The following UNC13C variants were observed in gnomAD, a reference collection of about 807,000 sequenced individuals.
UNC13C encodes the protein protein unc-13 homolog C.
In UNC13C, 174 loss-of-function variants were observed where a neutral mutation model predicts 245.4. The ratio of observed to expected loss-of-function variants is 0.71; its 90% CI spans 0.63 to 0.80. The LOEUF is 0.80. Among genes scored for constraint, UNC13C ranks in the 30% least tolerant of loss-of-function variants. The pLI is 0.00. For missense variants in UNC13C, 2,829 were observed against 2,602.9 expected (o/e 1.09, Z -1.89); for synonymous variants, 992 against 895.1 (o/e 1.11, Z -1.93).
intron 24 of UNC13C, among the ~76,000 whole-genome samples, chr15:54,516,071 G>A (rs1334526405): frequency 6.6e-6 from 1 of 152,102 alleles, no homozygotes; most frequent in African/African-American, 2.4e-5. Context: ...AATTTGATGT[G>A]TCAACTAGAA....
At chr15:54,536,149 A>G (rs1176030988) in intron 26 of UNC13C, among the ~76,000 whole-genome samples, 1 of 152,086 alleles carries the variant, frequency 6.6e-6, no homozygotes. Flanking sequence ...CAAAGTGAGC[A>G]TTACCACCGA....
In UNC13C at chr15:54,627,172, A is replaced by G; in HGVS notation, c.*59A>G. 2 of 1,481,722 alleles carry G rather than the reference A, an allele frequency of 1.3e-6. No individual in the cohort carries two copies. The highest frequency in any genetic ancestry group is 1.8e-6 in the Non-Finnish European group (2 of 1,097,370). The allele number at this position is 1,481,722 out of a possible 1,614,324, so 91.8% of individuals were successfully genotyped here. Reference sequence around the variant, plus strand: ...TTGTTTGACTACTGCATGCATGTGCAAATACATGGGAATGTTTAGTTCACT... The same window carrying G: ...TTGTTTGACTACTGCATGCATGTGCGAATACATGGGAATGTTTAGTTCACT... On this transcript the variant is annotated 3_prime_UTR_variant, in exon 33 of 33. Coordinates refer to ENST00000260323, the MANE Select transcript of UNC13C (RefSeq NM_001080534.3).
the UNC13C span, among the ~76,000 whole-genome samples, chr15:53,947,242 G>A: frequency 1.3e-5 from 2 of 152,148 alleles, no homozygotes; most frequent in Non-Finnish European, 2.9e-5. Flanking sequence ...AAAAGCAGGT[G>A]GATAGATGAT....
intron 10 of UNC13C, among the ~76,000 whole-genome samples, chr15:54,285,581 G>A (rs1041904322): frequency 5.3e-5 from 8 of 152,168 alleles, no homozygotes; most frequent in South Asian, 2.1e-4. Context: ...AAAGGCTGCC[G>A]TGGCTGCTTT....
intron 26 of UNC13C, among the ~76,000 whole-genome samples, chr15:54,546,061 A>C (rs989375699): frequency 1.3e-5 from 2 of 152,190 alleles, no homozygotes; most frequent in African/African-American, 2.4e-5. Context: ...CAAAACTTGG[A>C]ACCAACCCAA....
chr15:54,526,320 A>G (rs1457677093), intron 25 of UNC13C, among the ~76,000 whole-genome samples: 1 of 152,248 alleles, frequency 6.6e-6, no homozygotes, highest in African/African-American at 2.4e-5. Flanking sequence ...TAAAATAGCT[A>G]GGAAAGAAAA....
chr15:54,607,825 G>C (rs1899852281), intron 30 of UNC13C, among the ~76,000 whole-genome samples: 1 of 152,042 alleles, frequency 6.6e-6, no homozygotes, highest in Admixed American at 6.6e-5. Flanking sequence ...AAGGCAAGGG[G>C]GAAATTTGCT....
chr15:54,076,109 A>T (rs536648915), intron 2 of UNC13C, among the ~76,000 whole-genome samples: 19 of 90,700 alleles, frequency 2.1e-4, no homozygotes, highest in South Asian at 3.4e-4. Flanking sequence ...ATATATATAT[A>T]TATTTTTTTT....
intron 2 of UNC13C, among the ~76,000 whole-genome samples, chr15:54,022,592 G>T (rs1447969295): frequency 1.3e-5 from 2 of 152,198 alleles, no homozygotes; most frequent in South Asian, 2.1e-4. Context: ...TTAAAACCAG[G>T]TTACTTATTT....
chr15:54,055,812 G>A (rs1325266019), intron 2 of UNC13C, among the ~76,000 whole-genome samples: 1 of 152,142 alleles, frequency 6.6e-6, no homozygotes, highest in Non-Finnish European at 1.5e-5. Context: ...GGAATGAAAG[G>A]TCATGAAACT....
the UNC13C span, among the ~76,000 whole-genome samples, chr15:53,908,063 A>C: frequency 6.8e-6 from 1 of 146,818 alleles, no homozygotes; most frequent in African/African-American, 2.4e-5. Flanking sequence ...ATTATCCTTT[A>C]GCTGTTGAAT....
At chr15:54,057,664 T>C (rs1050825907) in intron 2 of UNC13C, among the ~76,000 whole-genome samples, 5 of 152,258 alleles carry the variant, frequency 3.3e-5, no homozygotes, top group Non-Finnish European at 7.4e-5. Flanking sequence ...ATACATTCTT[T>C]TCAGCACCAC....
chr15:54,172,721 T>TAAATATATATATATATAA (rs1567067083), intron 4 of UNC13C, among the ~76,000 whole-genome samples: 4 of 20,696 alleles, frequency 1.9e-4, no homozygotes, highest in Non-Finnish European at 2.1e-4. Flanking sequence ...TATATATATA[T>TAAATATATATATATATAA]ATATATATAT....
chr15:54,589,292 T>C (rs865907944), intron 30 of UNC13C, among the ~76,000 whole-genome samples: 5 of 100,778 alleles, frequency 5.0e-5, no homozygotes, highest in African/African-American at 2.1e-4. Flanking sequence ...TCTTCTTCTT[T>C]TTTTTTTTTT....
chr15:53,878,104 A>G, the UNC13C span, among the ~76,000 whole-genome samples: 1 of 152,302 alleles, frequency 6.6e-6, no homozygotes, highest in East Asian at 1.9e-4. Flanking sequence ...TTTTAAAAAA[A>G]TGGTTTGTCT....
intron 14 of UNC13C, among the ~76,000 whole-genome samples, chr15:54,327,067 C>T (rs191847396): frequency 2.4e-4 from 37 of 152,034 alleles, no homozygotes; most frequent in African/African-American, 8.0e-4. Context: ...GTGTGTTGAA[C>T]GCACTCATGG....
intron 7 of UNC13C, among the ~76,000 whole-genome samples, chr15:54,245,729 T>A (rs2035973720): frequency 1.3e-5 from 2 of 152,176 alleles, no homozygotes; most frequent in Non-Finnish European, 1.5e-5. Flanking sequence ...ATAACACTTA[T>A]ACTTCACCGA....
intron 1 of UNC13C, among the ~76,000 whole-genome samples, chr15:53,980,394 T>G (rs1319731516): frequency 6.6e-6 from 1 of 152,170 alleles, no homozygotes; most frequent in East Asian, 1.9e-4. Context: ...TGAAAAACAT[T>G]GTGTGTTTCT....
chr15:54,631,875 T>C (rs893164249), downstream of UNC13C: 1 of 152,234 alleles, frequency 6.6e-6, no homozygotes, highest in African/African-American at 2.4e-5. Context: ...TTCTAGGTCT[T>C]ATGATAAGTA....
Sources: gnomAD v4.1 joint callset for allele counts (sites outside exome capture counted in the v4.1 genomes callset) on GRCh38, gnomAD v4.1.1 for gene constraint, MANE v1.5 for transcripts, NCBI Gene and HGNC (gene_info 2026-07-23, HGNC 2026-07-21) for gene names.